The following ELMO1 variants were observed in gnomAD, a reference collection of about 807,000 sequenced individuals.
The protein encoded by ELMO1 is engulfment and cell motility protein 1.
A neutral mutation model predicts 98.9 loss-of-function variants in ELMO1; 26 were observed. The ratio of observed to expected loss-of-function variants is 0.26; its 90% CI spans 0.19 to 0.36. The LOEUF (loss-of-function observed/expected upper bound fraction) is 0.36, where lower values mean the gene tolerates loss of function less well. Among genes scored for constraint, ELMO1 ranks in the 10% least tolerant of loss-of-function variants. The pLI is 1.00. For missense variants in ELMO1, 627 were observed against 935.2 expected (o/e 0.67, Z 4.30); for synonymous variants, 346 against 346.0 (o/e 1.00, Z 0.00).
intron 20 of ELMO1, among the ~76,000 whole-genome samples, chr7:36,867,113 AGT>A (rs1803090355): frequency 6.6e-6 from 1 of 152,160 alleles, no homozygotes; most frequent in Admixed American, 6.5e-5. Context: ...AATACGGGCC[AGT>A]GAGTCCCAGG....
intron 9 of ELMO1, 114 bp downstream of exon 9, chr7:37,224,764 GA>G (rs1793775128): frequency 1.4e-6 from 2 of 1,435,312 alleles, no homozygotes; most frequent in African/African-American, 1.4e-5. Context: ...GCCAAATTGA[GA>G]TTCTTTTTCT....
chr7:37,348,221 T>C (rs1051531056), intron 1 of ELMO1, among the ~76,000 whole-genome samples: 2 of 152,210 alleles, frequency 1.3e-5, no homozygotes, highest in African/African-American at 4.8e-5. Flanking sequence ...TTACTTAAAT[T>C]GCCCAGTAAA....
intron 13 of ELMO1, among the ~76,000 whole-genome samples, chr7:37,142,438 C>T (rs1365038462): frequency 2.0e-5 from 3 of 152,286 alleles, no homozygotes; most frequent in East Asian, 3.9e-4. Context: ...ATTCTTATCC[C>T]GGTTCTACTG....
At chr7:36,963,567 G>C (rs1469626671) in intron 16 of ELMO1, among the ~76,000 whole-genome samples, 1 of 152,054 alleles carries the variant, frequency 6.6e-6, no homozygotes, top group Non-Finnish European at 1.5e-5. Context: ...TTCTTCGGGT[G>C]GATGGATTAG....
At chr7:37,208,585 A>C (rs1563078084) in intron 13 of ELMO1, among the ~76,000 whole-genome samples, 1 of 152,246 alleles carries the variant, frequency 6.6e-6, no homozygotes, top group Non-Finnish European at 1.5e-5. Context: ...GACTGCTTAC[A>C]GCATCTAGAG....
At chr7:37,376,063 C>A in intron 1 of ELMO1, 1 of 359,496 alleles carries the variant, frequency 2.8e-6, no homozygotes, top group South Asian at 2.6e-5. Flanking sequence ...AACTTACAGC[C>A]AAAAAAACTT....
At chr7:37,047,489 G>A (rs1351713749) in intron 15 of ELMO1, among the ~76,000 whole-genome samples, 1 of 152,236 alleles carries the variant, frequency 6.6e-6, no homozygotes, top group Admixed American at 6.5e-5. Context: ...ATGCCCAGCA[G>A]GGCAGGTTCA....
chr7:37,222,546 AGAGG>A, intron 10 of ELMO1, 65 bp downstream of exon 10: 1 of 1,458,328 alleles, frequency 6.9e-7, no homozygotes, highest in East Asian at 2.3e-5. Flanking sequence ...GAATAGAAGG[AGAGG>A]GCGTTCTCTG....
intron 15 of ELMO1, among the ~76,000 whole-genome samples, chr7:37,049,290 G>T (rs1346961187): frequency 6.6e-6 from 1 of 152,068 alleles, no homozygotes; most frequent in Non-Finnish European, 1.5e-5. Context: ...TTCCCCAAAG[G>T]GCCCCTGGTT....
chr7:37,286,991 G>A (rs2130929970), intron 4 of ELMO1, among the ~76,000 whole-genome samples: 1 of 152,224 alleles, frequency 6.6e-6, no homozygotes, highest in East Asian at 1.9e-4. Context: ...TCAGGAGTTT[G>A]ACAGCAGCCT....
At chr7:36,973,786 C>G (rs539580756) in intron 16 of ELMO1, among the ~76,000 whole-genome samples, 1 of 152,200 alleles carries the variant, frequency 6.6e-6, no homozygotes, top group African/African-American at 2.4e-5. Context: ...GCGGCGCTTG[C>G]GAGCCAGCTG....
At chr7:36,967,221 TG>T (rs763099918) in intron 16 of ELMO1, among the ~76,000 whole-genome samples, 20 of 152,352 alleles carry the variant, frequency 1.3e-4, no homozygotes, top group South Asian at 8.3e-4. Flanking sequence ...GAAGCTTGAA[TG>T]TTTTTTTTCA....
intron 1 of ELMO1, among the ~76,000 whole-genome samples, chr7:37,447,260 A>C (rs1361363100): frequency 6.6e-6 from 1 of 152,200 alleles, no homozygotes; most frequent in Non-Finnish European, 1.5e-5. Flanking sequence ...ATATTCTTCC[A>C]TAGCTTCATC....
intron 7 of ELMO1, among the ~76,000 whole-genome samples, chr7:37,234,169 G>A (rs189273322): frequency 4.6e-5 from 7 of 152,202 alleles, no homozygotes; most frequent in African/African-American, 1.4e-4. Flanking sequence ...GTCAGGATCT[G>A]TACACTGTAT....
At chr7:37,267,563 C>T (rs1264930096) in intron 5 of ELMO1, among the ~76,000 whole-genome samples, 2 of 152,190 alleles carry the variant, frequency 1.3e-5, no homozygotes, top group Non-Finnish European at 2.9e-5. Flanking sequence ...TAGGTGAATA[C>T]CACTAGATTG....
intron 15 of ELMO1, among the ~76,000 whole-genome samples, chr7:37,027,197 A>G (rs1456463853): frequency 6.6e-6 from 1 of 152,200 alleles, no homozygotes; most frequent in African/African-American, 2.4e-5. Flanking sequence ...TTCTCTTAAA[A>G]GAGAACAATG....
At chr7:36,991,678 G>T (rs904618632) in intron 16 of ELMO1, among the ~76,000 whole-genome samples, 1 of 152,180 alleles carries the variant, frequency 6.6e-6, no homozygotes, top group African/African-American at 2.4e-5. Context: ...ATGGAGAGAT[G>T]ATCCTGAGCA....
intron 1 of ELMO1, among the ~76,000 whole-genome samples, chr7:37,444,062 A>T (rs183372456): frequency 3.9e-5 from 6 of 152,214 alleles, no homozygotes; most frequent in African/African-American, 1.4e-4. Context: ...ATGCCATCAT[A>T]CCCAGCTAAT....
chr7:37,003,393 A>C (rs866289968), intron 16 of ELMO1, among the ~76,000 whole-genome samples: 1 of 152,336 alleles, frequency 6.6e-6, no homozygotes, highest in African/African-American at 2.4e-5. Context: ...AGAGAAAAGA[A>C]GGAGGGAACC....
Sources: gnomAD v4.1 joint callset for allele counts (sites outside exome capture counted in the v4.1 genomes callset) on GRCh38, gnomAD v4.1.1 for gene constraint, MANE v1.5 for transcripts, NCBI Gene and HGNC (gene_info 2026-07-23, HGNC 2026-07-21) for gene names.